Variants in TTC27 observed in about 807,000 individuals in gnomAD.
The protein encoded by TTC27 is tetratricopeptide repeat protein 27.
In TTC27, 79 loss-of-function variants were observed where a neutral mutation model predicts 115.9. The observed-to-expected ratio is 0.68, with a 90% CI of 0.57 to 0.82. The LOEUF (loss-of-function observed/expected upper bound fraction) is 0.82, where lower values mean the gene tolerates loss of function less well. Ranked by LOEUF, TTC27 falls within the 40% of genes least tolerant of loss-of-function variation. TTC27 has a pLI of 0.00. For missense variants in TTC27, 1,054 were observed against 993.1 expected (o/e 1.06, Z -0.82); for synonymous variants, 401 against 356.0 (o/e 1.13, Z -1.42).
At chr2:32,783,660 A>G (rs1335247937) in intron 15 of TTC27, among the ~76,000 whole-genome samples, 1 of 152,232 alleles carries the variant, frequency 6.6e-6, no homozygotes, top group Admixed American at 6.5e-5. Flanking sequence ...CTGGGAAACC[A>G]GTTAGGACAC....
chr2:32,670,358 C>T (rs920217989), intron 7 of TTC27, among the ~76,000 whole-genome samples: 4 of 152,152 alleles, frequency 2.6e-5, no homozygotes, highest in African/African-American at 9.7e-5. Context: ...AAAAGTTTCT[C>T]CAAAGAGTGC....
intron 5 of TTC27, among the ~76,000 whole-genome samples, chr2:32,662,918 TTA>T (rs1665606279): frequency 6.6e-6 from 1 of 152,154 alleles, no homozygotes; most frequent in African/African-American, 2.4e-5. Flanking sequence ...GCATTTAGTG[TTA>T]TAAATTTCTC....
chr2:32,770,220 A>G (rs751545228), intron 13 of TTC27, among the ~76,000 whole-genome samples: 13 of 152,230 alleles, frequency 8.5e-5, no homozygotes, highest in Non-Finnish European at 1.5e-4. Flanking sequence ...ACTCAGTGCC[A>G]GGTACTGTTC....
At chr2:32,720,964 A>G (rs1314622718) in intron 10 of TTC27, among the ~76,000 whole-genome samples, 1 of 152,148 alleles carries the variant, frequency 6.6e-6, no homozygotes, top group Non-Finnish European at 1.5e-5. Context: ...ATGTGTAACT[A>G]TTTGTGTGAG....
chr2:32,709,988 T>C (rs950585600), intron 10 of TTC27, among the ~76,000 whole-genome samples: 4 of 152,178 alleles, frequency 2.6e-5, no homozygotes, highest in African/African-American at 4.8e-5. Flanking sequence ...TAAGTGTCTG[T>C]TGTTGTTAAA....
intron 12 of TTC27, among the ~76,000 whole-genome samples, chr2:32,750,949 G>A (rs899573807): frequency 6.6e-6 from 1 of 152,150 alleles, no homozygotes; most frequent in Non-Finnish European, 1.5e-5. Flanking sequence ...GGGATGGTGA[G>A]ACAATCAAAG....
intron 16 of TTC27, among the ~76,000 whole-genome samples, chr2:32,801,784 A>G (rs1451332761): frequency 6.6e-6 from 1 of 152,220 alleles, no homozygotes; most frequent in African/African-American, 2.4e-5. Context: ...AACCACTCCT[A>G]TGAAAGTCTT....
At chr2:32,731,701 T>G (rs898443707) in intron 10 of TTC27, among the ~76,000 whole-genome samples, 1 of 152,108 alleles carries the variant, frequency 6.6e-6, no homozygotes, top group African/African-American at 2.4e-5. Context: ...GCATATGGCT[T>G]AATCAGGTTT....
chr2:32,754,980 ACGGGGCGGC>A, intron 12 of TTC27, among the ~76,000 whole-genome samples: 1 of 150,106 alleles, frequency 6.7e-6, no homozygotes, highest in Non-Finnish European at 1.5e-5. Context: ...CACTTCTCAG[ACGGGGCGGC>A]TGCCGGGCAG....
intron 10 of TTC27, among the ~76,000 whole-genome samples, chr2:32,715,545 G>A (rs1667725076): frequency 6.6e-6 from 1 of 152,124 alleles, no homozygotes; most frequent in African/African-American, 2.4e-5. Flanking sequence ...TCGATACTGT[G>A]TAGTTGCATG....
intron 10 of TTC27, among the ~76,000 whole-genome samples, chr2:32,714,327 T>G (rs1341877172): frequency 6.6e-6 from 1 of 151,878 alleles, no homozygotes; most frequent in Non-Finnish European, 1.5e-5. Flanking sequence ...CCTGGCTAAT[T>G]TTTTGTATTT....
At chr2:32,805,009 A>C (rs114931862) in intron 16 of TTC27, among the ~76,000 whole-genome samples, 1 of 152,200 alleles carries the variant, frequency 6.6e-6, no homozygotes, top group African/African-American at 2.4e-5. Flanking sequence ...TAAAAGAGAA[A>C]CCTTTCCAAT....
At position 32,692,036 on chromosome 2, in the gene TTC27, G is replaced by GTTTTTTTTTTTTTTTTTTTTTTTTTTTTT. The variant is rs779547700; in HGVS notation, c.1120-10745_1120-10744insTTTTTTTTTTTTTTTTTTTTTTTTTTTTT. ...GGGATATTCTTTTTTAATTTTTTAG[G>GTTTTTTTTTTTTTTTTTTTTTTTTTTTTT]TTTTTTTTTTTTTTTTTTTTTTTTT... On this transcript the variant is annotated intron_variant, in intron 9 of 19. Transcript: ENST00000317907. Among the ~76,000 whole-genome samples the GTTTTTTTTTTTTTTTTTTTTTTTTTTTTT allele has an allele frequency of 2.1e-4, 13 of 61,208 alleles. 2 individuals carry two copies. Among genetic ancestry groups the GTTTTTTTTTTTTTTTTTTTTTTTTTTTTT allele is most frequent in the Non-Finnish European group, 3.5e-4 (12 of 34,580 alleles). The allele number at this position is 61,208 out of a possible 152,430, so 40.2% of individuals were successfully genotyped here.
chr2:32,803,311 G>A (rs374315517), intron 16 of TTC27, among the ~76,000 whole-genome samples: 29 of 152,372 alleles, frequency 1.9e-4, no homozygotes, highest in African/African-American at 6.7e-4. Context: ...CTCCACCCTA[G>A]CCTGGTCTTC....
chr2:32,630,830 C>A, intron 2 of TTC27, 130 bp downstream of exon 2: 1 of 766,660 alleles, frequency 1.3e-6, no homozygotes. Flanking sequence ...TCATGGTGTA[C>A]CAAGTAATCT....
intron 13 of TTC27, among the ~76,000 whole-genome samples, chr2:32,765,239 G>T (rs2148001184): frequency 6.6e-6 from 1 of 152,268 alleles, no homozygotes; most frequent in South Asian, 2.1e-4. Context: ...TTGTTCCATG[G>T]CTGCGGAGTG....
intron 16 of TTC27, among the ~76,000 whole-genome samples, chr2:32,796,882 C>G (rs1202389565): frequency 1.3e-5 from 2 of 151,554 alleles, no homozygotes; most frequent in Non-Finnish European, 2.9e-5. Flanking sequence ...TTTTAAGAGA[C>G]AGTGTCTCGG....
chr2:32,647,171 T>C, intron 4 of TTC27, among the ~76,000 whole-genome samples: 1 of 151,942 alleles, frequency 6.6e-6, no homozygotes. Context: ...GGTCTTGAAT[T>C]TATGGCCTCA....
At chr2:32,658,949 A>G (rs1218543089) in intron 5 of TTC27, among the ~76,000 whole-genome samples, 1 of 152,088 alleles carries the variant, frequency 6.6e-6, no homozygotes, top group Non-Finnish European at 1.5e-5. Flanking sequence ...AGATATATGG[A>G]TGTATATCTG....
Sources: allele counts gnomAD v4.1 joint callset (sites outside exome capture counted in the v4.1 genomes callset), GRCh38; gene constraint gnomAD v4.1.1; transcripts MANE v1.5; gene names NCBI Gene and HGNC (gene_info 2026-07-23, HGNC 2026-07-21).